EPS15L1: variants seen among roughly 807,000 people sequenced by gnomAD.
The protein encoded by EPS15L1 is epidermal growth factor receptor pathway substrate 15 like 1.
Under a neutral mutation model 117.1 loss-of-function variants are expected in EPS15L1, and 43 were observed. That is an observed-to-expected ratio of 0.37 (90% CI 0.29 to 0.47). The LOEUF is 0.47. Among genes scored for constraint, EPS15L1 ranks in the 20% least tolerant of loss-of-function variants. The pLI is 0.99. For missense variants in EPS15L1, 981 were observed against 1,164.0 expected (o/e 0.84, Z 2.29); for synonymous variants, 459 against 470.5 (o/e 0.98, Z 0.32).
intron 1 of EPS15L1, among the ~76,000 whole-genome samples, chr19:16,464,250 A>G (rs796653374): frequency 3.9e-5 from 6 of 152,346 alleles, no homozygotes; most frequent in African/African-American, 1.4e-4. Flanking sequence ...TTGTAGTATC[A>G]AGAGCTGGGA....
chr19:16,386,397 A>G (rs1042560794), intron 19 of EPS15L1, among the ~76,000 whole-genome samples, 166 bp from the exon 20 acceptor site: 1 of 152,152 alleles, frequency 6.6e-6, no homozygotes, highest in Non-Finnish European at 1.5e-5. Context: ...CAACAGATCA[A>G]CCCTCCTGCA....
At chr19:16,375,858 C>T (rs1342198464) in intron 22 of EPS15L1, among the ~76,000 whole-genome samples, 2 of 152,206 alleles carry the variant, frequency 1.3e-5, no homozygotes, top group African/African-American at 4.8e-5. Context: ...GCCCAGGGGA[C>T]AGGAGGAGAG....
chr19:16,361,807 G>A lies in EPS15L1; in HGVS notation c.2558C>T (p.Ser853Phe). 6.2e-7 allele frequency: 1 copy of A among 1,613,974 alleles called. No individual in the cohort carries two copies. The highest frequency in any genetic ancestry group is 1.7e-4 in the Middle Eastern group (1 of 6,044). The change falls in exon 23 of 24, where the codon TCT becomes TTT. Residue 853 changes from serine (S) to phenylalanine (F), a missense_variant. Around this residue, in one of 5 missense-constraint regions of EPS15L1, gnomAD observed 819 missense variants for 949.0 expected, o/e 0.86. Transcript: ENST00000455140. ...PSSAAKPSKA[S>F]ASGFADFTSF... The stretch of plus-strand genomic sequence containing the variant: ...GGTGAAGTCTGCAAAGCCCGAGGCA[G>A]AGGCCTTAGAAGGTTTAGCTGCAGA...
intron 16 of EPS15L1, among the ~76,000 whole-genome samples, chr19:16,398,342 C>A (rs2092561838): frequency 6.6e-6 from 1 of 152,224 alleles, no homozygotes; most frequent in South Asian, 2.1e-4. Flanking sequence ...GGAAACCAAG[C>A]CGGGTTCTTA....
At chr19:16,460,840 G>A (rs1349072673) in intron 1 of EPS15L1, among the ~76,000 whole-genome samples, 1 of 152,160 alleles carries the variant, frequency 6.6e-6, no homozygotes, top group African/African-American at 2.4e-5. Flanking sequence ...GAATTGAGGG[G>A]GACAGTCCAT....
chr19:16,434,912 CAACTT>C (rs913634918), intron 6 of EPS15L1: 7 of 153,644 alleles, frequency 4.6e-5, no homozygotes, highest in African/African-American at 1.7e-4. Context: ...TTATCAAAAT[CAACTT>C]AAAGTACAGG....
chr19:16,380,491 A>T (rs2092348990), intron 21 of EPS15L1, among the ~76,000 whole-genome samples: 1 of 151,758 alleles, frequency 6.6e-6, no homozygotes, highest in African/African-American at 2.4e-5. Context: ...TGGCCCTCTA[A>T]GGTTCCAGGG....
At chr19:16,469,773 C>T (rs940338221) in intron 1 of EPS15L1, among the ~76,000 whole-genome samples, 2 of 152,034 alleles carry the variant, frequency 1.3e-5, no homozygotes, top group African/African-American at 4.8e-5. Flanking sequence ...ATCTGCTTGC[C>T]AAGTGTGCTC....
At chr19:16,454,685 G>A (rs558149296) in intron 1 of EPS15L1, among the ~76,000 whole-genome samples, 10 of 152,304 alleles carry the variant, frequency 6.6e-5, no homozygotes, top group Admixed American at 1.3e-4. Flanking sequence ...GCCTACAGTC[G>A]CTGCCCTGGA....
Position 16,434,413 on chromosome 19 carries a change from G to A in EPS15L1, c.450C>T (p.Val150=). ...PINGLLSGDK[V]KPVLMNSKLP... ...GCTTTGAGTTCATGAGGACTGGCTT[G>A]ACTTTGTCTCCAGAGAGCAAACCAT... The change falls in exon 7 of 24, where the codon GTC becomes GTT. Residue 150 remains valine, a synonymous_variant. Transcript: ENST00000455140. 1 of 1,614,178 alleles carries A rather than the reference G, an allele frequency of 6.2e-7. No individual in the cohort carries two copies. Among genetic ancestry groups the A allele is most frequent in the Non-Finnish European group, 8.5e-7 (1 of 1,180,028 alleles).
intron 22 of EPS15L1, among the ~76,000 whole-genome samples, chr19:16,372,381 C>G (rs143382244): frequency 6.6e-6 from 1 of 152,196 alleles, no homozygotes; most frequent in Non-Finnish European, 1.5e-5. Context: ...GCAGCTCCCA[C>G]GGAATTTGAA....
At chr19:16,368,320 C>T (rs1000362702) in intron 22 of EPS15L1, among the ~76,000 whole-genome samples, 1 of 152,162 alleles carries the variant, frequency 6.6e-6, no homozygotes, top group Non-Finnish European at 1.5e-5. Flanking sequence ...ATCATTGATC[C>T]TACACAACAG....
chr19:16,462,152 C>T (rs1430922445), intron 1 of EPS15L1, among the ~76,000 whole-genome samples: 1 of 152,200 alleles, frequency 6.6e-6, no homozygotes, highest in Non-Finnish European at 1.5e-5. Flanking sequence ...ACCTCTCTCC[C>T]TCTCAGTTTC....
At chr19:16,359,382 C>T (rs1351815089) in intron 23 of EPS15L1, among the ~76,000 whole-genome samples, 1 of 152,310 alleles carries the variant, frequency 6.6e-6, no homozygotes, top group Non-Finnish European at 1.5e-5. Flanking sequence ...GAGACGTCAT[C>T]TTGAGTCCCC....
intron 10 of EPS15L1, among the ~76,000 whole-genome samples, chr19:16,420,665 G>C (rs189982111): frequency 7.3e-4 from 111 of 152,362 alleles, no homozygotes; most frequent in African/African-American, 2.5e-3. Context: ...CTTTCCTTTT[G>C]ATAGCTCCCA....
At chr19:16,357,463 C>G (rs1037251206) in intron 23 of EPS15L1, 1 of 152,378 alleles carries the variant, frequency 6.6e-6, no homozygotes, top group Admixed American at 6.6e-5. Context: ...CCCGTGGAGG[C>G]TCCTTGGGCG....
Position 16,471,797 on chromosome 19 carries a change from C to A in EPS15L1, c.33+116G>T. ...GCCCACCCGCCCGCCGCAAGCCCTT[C>A]AGCACGCGCCGCCCCCGCCGCCGCC... is the stretch of plus-strand genomic sequence containing the variant. On this transcript the variant is annotated intron_variant, in intron 1 of 23. Transcript: ENST00000455140. This position sits in a 1 kb window ranked among gnomAD's most constrained non-coding sequence, Gnocchi z 4.8. 6.6e-6 allele frequency: 2 copies of A among 302,372 alleles called. No individual in the cohort carries two copies. The highest frequency in any genetic ancestry group is 1.1e-5 in the Non-Finnish European group (2 of 178,932). 18.7% of individuals were successfully genotyped at this position (302,372 alleles called of 1,614,324 possible).
rs1393513306 is a variant in EPS15L1 at position 16,381,538 on chromosome 19, C to T, written c.2247+3591G>A. ...GCTCCGGCAAGAAGGAAATGAGGTG[C>T]CATGTGACAGGCATCAGTCCACTCA... On this transcript the variant is annotated intron_variant, in intron 21 of 23. Coordinates refer to ENST00000455140, the MANE Select transcript of EPS15L1 (RefSeq NM_001258374.3). This position sits in a 1 kb window ranked among gnomAD's most constrained non-coding sequence, Gnocchi z 4.2. Among the ~76,000 whole-genome samples, 1 of 152,202 alleles carries T rather than the reference C, an allele frequency of 6.6e-6. No homozygotes were observed. Among genetic ancestry groups the T allele is most frequent in the Non-Finnish European group, 1.5e-5 (1 of 68,038 alleles).
rs10415269 is a variant in EPS15L1, at chr19:16,471,953, C to T, written c.-8G>A. 3.9e-6 allele frequency: 5 copies of T among 1,286,572 alleles called. No homozygotes were observed. The highest frequency in any genetic ancestry group is 4.9e-6 in the Non-Finnish European group (5 of 1,017,740). The allele number at this position is 1,286,572 out of a possible 1,614,324, so 79.7% of individuals were successfully genotyped here. A position where few individuals can be genotyped will look rare whatever the true frequency, so the allele number is the denominator to read the frequency against. On this transcript the variant is annotated 5_prime_UTR_variant, in exon 1 of 24. Coordinates refer to ENST00000455140, the MANE Select transcript of EPS15L1 (RefSeq NM_001258374.3). This position sits in a 1 kb window ranked among gnomAD's most constrained non-coding sequence, Gnocchi z 4.8. ...GATGAGCGGCGCCGCCATCTTCCCG[C>T]GGACTCGGGCTCCGAGCGCCGGGGG... is the stretch of plus-strand genomic sequence containing the variant.
Sources: allele counts gnomAD v4.1 joint callset (sites outside exome capture counted in the v4.1 genomes callset), GRCh38; gene constraint gnomAD v4.1.1; regional missense constraint gnomAD v4.1.1; non-coding constraint Gnocchi (gnomAD v3.1); transcripts MANE v1.5; gene names NCBI Gene and HGNC (gene_info 2026-07-23, HGNC 2026-07-21).